Variants in SHROOM3 observed in about 807,000 individuals in gnomAD.
The protein encoded by SHROOM3 is protein Shroom3.
SHROOM3 carries 47 observed loss-of-function variants against 138.6 expected under a neutral mutation model. The ratio of observed to expected loss-of-function variants is 0.34; its 90% CI spans 0.27 to 0.43. The LOEUF (loss-of-function observed/expected upper bound fraction) is 0.43. Ranked by LOEUF, SHROOM3 falls within the 20% of genes least tolerant of loss-of-function variation. SHROOM3 has a pLI of 1.00. For missense variants in SHROOM3, 2,491 were observed against 2,596.5 expected, an observed-to-expected ratio of 0.96 and a Z score of 0.88; for synonymous variants, 1,062 against 1,063.3, an observed-to-expected ratio of 1.00 and a Z score of 0.02.
intron 2 of SHROOM3, among the ~76,000 whole-genome samples, chr4:76,605,889 CA>C (rs1261411263): frequency 6.9e-6 from 1 of 145,776 alleles, no homozygotes; most frequent in Non-Finnish European, 1.5e-5. Context: ...TTCATAGTTC[CA>C]AAAATGTATT....
intron 5 of SHROOM3, 97 bp downstream of exon 5, chr4:76,742,023 C>A (rs1293240377): frequency 2.0e-6 from 3 of 1,469,422 alleles, no homozygotes; most frequent in Non-Finnish European, 2.8e-6. Context: ...CCCGCTCTCC[C>A]AGTTCAGTTT....
intron 1 of SHROOM3, among the ~76,000 whole-genome samples, chr4:76,478,652 G>C (rs1289909271): frequency 3.3e-5 from 5 of 152,202 alleles, no homozygotes; most frequent in Non-Finnish European, 7.4e-5. Context: ...GCCTCCTCAA[G>C]TGGGTTCATG....
chr4:76,709,052 C>A (rs1560597831), intron 2 of SHROOM3, among the ~76,000 whole-genome samples: 1 of 152,172 alleles, frequency 6.6e-6, no homozygotes, highest in African/African-American at 2.4e-5. Flanking sequence ...GGCCATCTTC[C>A]CCATGCTGTA....
chr4:76,656,362 T>TA (rs1185505336), intron 2 of SHROOM3, among the ~76,000 whole-genome samples: 1 of 152,202 alleles, frequency 6.6e-6, no homozygotes, highest in East Asian at 1.9e-4. Context: ...ATTGTTCCTT[T>TA]AAAAAATCTT....
Position 76,756,734 on chromosome 4 carries a change from C to T in SHROOM3, c.4995C>T (p.Asp1665=). 1 of 1,614,146 alleles carries T rather than the reference C, an allele frequency of 6.2e-7. No homozygotes were observed. Among genetic ancestry groups the T allele is most frequent in the Non-Finnish European group, 8.5e-7 (1 of 1,180,034 alleles). Residue 1665 remains aspartate (D), a synonymous_variant, in exon 8 of 11, where the codon GAC becomes GAT. Coordinates refer to ENST00000296043, the MANE Select transcript of SHROOM3 (RefSeq NM_020859.4). ...CTGATCCTCAGAAGAGTTCAGAAGA[C>T]ATCAGAACAGAGGCTTTGGCCAAGG... The part of the protein sequence containing the change: ...VSPDPQKSSE[D]IRTEALAKEI...
intron 2 of SHROOM3, among the ~76,000 whole-genome samples, chr4:76,653,213 T>C (rs748371670): frequency 4.5e-4 from 69 of 152,270 alleles, no homozygotes; most frequent in Admixed American, 9.8e-4. Flanking sequence ...TTAGGAATCC[T>C]ATATTGAATT....
At chr4:76,586,140 ACAT>A in intron 2 of SHROOM3, 1 of 574,700 alleles carries the variant, frequency 1.7e-6, no homozygotes, top group South Asian at 7.6e-5. Context: ...ACTTCCCCTT[ACAT>A]CAGCGGGCCA....
chr4:76,760,001 C>T (rs776297773), intron 9 of SHROOM3, among the ~76,000 whole-genome samples: 32 of 152,238 alleles, frequency 2.1e-4, no homozygotes, highest in Admixed American at 6.5e-4. Flanking sequence ...CCCTAGCCTC[C>T]TAATCCAGCA....
chr4:76,489,469 TG>T (rs921161189), intron 1 of SHROOM3, among the ~76,000 whole-genome samples: 3 of 152,214 alleles, frequency 2.0e-5, no homozygotes, highest in African/African-American at 7.2e-5. Context: ...ATCTTAACTA[TG>T]GCATAATGAA....
intron 2 of SHROOM3, chr4:76,586,516 G>C (rs1734158650): frequency 1.0e-6 from 1 of 970,826 alleles, no homozygotes; most frequent in Non-Finnish European, 1.2e-6. Flanking sequence ...TTATTTCTCC[G>C]TCGATGTTGG....
chr4:76,476,433 G>A (rs936360154), intron 1 of SHROOM3, among the ~76,000 whole-genome samples: 4 of 152,124 alleles, frequency 2.6e-5, no homozygotes, highest in Non-Finnish European at 5.9e-5. Flanking sequence ...TAAGAAACTT[G>A]GCTTCAGAGC....
chr4:76,592,607 GA>G (rs900813275), intron 2 of SHROOM3, among the ~76,000 whole-genome samples: 1 of 151,994 alleles, frequency 6.6e-6, no homozygotes, highest in Non-Finnish European at 1.5e-5. Flanking sequence ...CACGTACAGA[GA>G]AAAAAAGCTT....
chr4:76,452,975 C>T (rs948016290), intron 1 of SHROOM3, among the ~76,000 whole-genome samples: 2 of 152,136 alleles, frequency 1.3e-5, no homozygotes, highest in Non-Finnish European at 2.9e-5. Flanking sequence ...GCCTCGGCCT[C>T]CCAGAGTGCT....
chr4:76,649,697 C>A (rs1220723370), intron 2 of SHROOM3, among the ~76,000 whole-genome samples: 2 of 152,034 alleles, frequency 1.3e-5, no homozygotes, highest in African/African-American at 4.8e-5. Context: ...AAAATAATTC[C>A]TGGGTTAAAA....
At chr4:76,589,487 A>T (rs1577903881) in intron 2 of SHROOM3, among the ~76,000 whole-genome samples, 1 of 145,914 alleles carries the variant, frequency 6.9e-6, no homozygotes, top group Admixed American at 6.8e-5. Context: ...AAAAAAAGAA[A>T]AAAGACTCCT....
At chr4:76,590,712 C>T (rs1734254874) in intron 2 of SHROOM3, among the ~76,000 whole-genome samples, 1 of 151,240 alleles carries the variant, frequency 6.6e-6, no homozygotes, top group South Asian at 2.1e-4. Context: ...TTTTTTCTCC[C>T]CCGGGGTAGA....
chr4:76,544,407 CTTTTTTTTTTTT>C (rs58799466), intron 1 of SHROOM3, among the ~76,000 whole-genome samples: 5 of 75,872 alleles, frequency 6.6e-5, no homozygotes, highest in Non-Finnish European at 1.4e-4. Context: ...AGCTCAATGG[CTTTTTTTTTTTT>C]TTTTTTTTTT....
At chr4:76,541,752 C>G (rs1050096647) in intron 1 of SHROOM3, among the ~76,000 whole-genome samples, 1 of 152,158 alleles carries the variant, frequency 6.6e-6, no homozygotes, top group African/African-American at 2.4e-5. Flanking sequence ...CTGGAACTGT[C>G]TCCCATGCCC....
chr4:76,693,366 G>GTTTTTTTTTTTT lies in SHROOM3; in HGVS notation c.324-16787_324-16786insTTTTTTTTTTTT, dbSNP rs1429298697. ...ACTATGCATACCTTCATTTTGATAA[G>GTTTTTTTTTTTT]TTTGTTTTTTTTTTTTTTTTTTTTT... On this transcript the variant is annotated intron_variant, in intron 2 of 10. Coordinates refer to ENST00000296043, the MANE Select transcript of SHROOM3 (RefSeq NM_020859.4). Among the ~76,000 whole-genome samples, 559 of 60,024 alleles carry GTTTTTTTTTTTT rather than the reference G, an allele frequency of 9.3e-3. 52 individuals are homozygous for GTTTTTTTTTTTT. The highest frequency in any genetic ancestry group is 0.039 in the African/African-American group (540 of 14,012). 39.4% of individuals were successfully genotyped at this position (60,024 alleles called of 152,430 possible).
Sources: gnomAD v4.1 joint callset for allele counts (sites outside exome capture counted in the v4.1 genomes callset) on GRCh38, gnomAD v4.1.1 for gene constraint, MANE v1.5 for transcripts, NCBI Gene and HGNC (gene_info 2026-07-23, HGNC 2026-07-21) for gene names.